PRKN: variants seen among roughly 807,000 people sequenced by gnomAD.
PRKN encodes parkin RBR E3 ubiquitin protein ligase.
In PRKN, 56 loss-of-function variants were observed where a neutral mutation model predicts 59.5. That is an observed-to-expected ratio of 0.94 (90% CI 0.76 to 1.18). PRKN has a LOEUF of 1.18. PRKN is among the 50% of genes most tolerant of loss of function. The probability of loss-of-function intolerance (pLI) is 0.00; values close to 1 mark genes in which losing one functional copy is unlikely to be tolerated. For missense variants in PRKN, 657 were observed against 596.4 expected (o/e 1.10, Z -1.06); for synonymous variants, 250 against 222.1 (o/e 1.13, Z -1.12).
intron 6 of PRKN, among the ~76,000 whole-genome samples, chr6:161,960,472 TAAG>T (rs1460875440): frequency 2.6e-5 from 4 of 152,200 alleles, no homozygotes; most frequent in African/African-American, 9.7e-5. Flanking sequence ...GATAAGAATT[TAAG>T]AATTCAGGGG....
In PRKN at chr6:162,443,371, G is replaced by T. The variant is rs148990138; in HGVS notation, c.110C>A (p.Pro37Gln). The T allele has an allele frequency of 1.2e-6, 2 of 1,613,636 alleles. No homozygotes were observed. The highest frequency in any genetic ancestry group is 2.2e-5 in the East Asian group (1 of 44,854). ...GAAAATCACACGCAACTGGTCAGCC[G>T]GAACCCCCTGTCGCTTAGCAACCAC... Reference protein sequence around the residue: ...KEVVAKRQGVPADQLRVIFAG... With the variant: ...KEVVAKRQGVQADQLRVIFAG... Residue 37 changes from proline (P) to glutamine (Q), a missense_variant, in exon 2 of 12, where the codon CCG becomes CAG. By Grantham distance (76) the Pro-to-Gln change is moderately conservative (BLOSUM62 -1). Coordinates refer to ENST00000366898, the MANE Select transcript of PRKN (RefSeq NM_004562.3).
Position 161,973,419 on chromosome 6 carries a change from TGAAA to T in PRKN, c.619-6_619-3del. On this transcript the variant is annotated splice_region_variant and splice_polypyrimidine_tract_variant and intron_variant, in intron 5 of 11. Transcript: ENST00000366898. Reference sequence around the variant, plus strand: ...TGCTCCACATTTAAAGAAAAATTCCTGAAAGAAAGATAAATATGATCACACACAT... The same window carrying T: ...TGCTCCACATTTAAAGAAAAATTCCTGAAAGATAAATATGATCACACACAT... 6.4e-7 allele frequency: 1 copy of T among 1,564,046 alleles called. No individual in the cohort carries two copies. The highest frequency in any genetic ancestry group is 8.8e-7 in the Non-Finnish European group (1 of 1,134,498).
At chr6:161,472,665 A>G (rs1437344612) in intron 9 of PRKN, among the ~76,000 whole-genome samples, 2 of 152,220 alleles carry the variant, frequency 1.3e-5, no homozygotes, top group African/African-American at 4.8e-5. Context: ...ACACCAAACT[A>G]AAAAGCTTCT....
rs916017889 is a variant in PRKN at position 161,458,001 on chromosome 6, C to T, written c.1084-71124G>A. Among the ~76,000 whole-genome samples, 4 of 152,122 alleles carry T rather than the reference C, an allele frequency of 2.6e-5. No homozygotes were observed. Among genetic ancestry groups the T allele is most frequent in the Admixed American group, 2.6e-4 (4 of 15,272 alleles). ...GAACTGTCATGCAGACAATGACCGCCTTCTGATTTACTTGGGCTGCTCAAA... is the reference window on the plus strand; with the variant it reads ...GAACTGTCATGCAGACAATGACCGCTTTCTGATTTACTTGGGCTGCTCAAA... On this transcript the variant is annotated intron_variant, in intron 9 of 11. Transcript: ENST00000366898. This position sits in a 1 kb window ranked among gnomAD's most constrained non-coding sequence, Gnocchi z 6.1.
intron 4 of PRKN, among the ~76,000 whole-genome samples, chr6:162,122,522 C>G (rs1458424181): frequency 1.3e-5 from 2 of 152,160 alleles, no homozygotes; most frequent in Admixed American, 1.3e-4. Flanking sequence ...ATATGGCACT[C>G]ACACACATGC....
chr6:162,150,583 G>T (rs944497912), intron 4 of PRKN, among the ~76,000 whole-genome samples: 1 of 152,114 alleles, frequency 6.6e-6, no homozygotes, highest in South Asian at 2.1e-4. Flanking sequence ...ATCTCACACC[G>T]GGGAAAAATA....
intron 6 of PRKN, among the ~76,000 whole-genome samples, chr6:161,831,552 C>T (rs1330921153): frequency 6.6e-6 from 1 of 152,200 alleles, no homozygotes; most frequent in Non-Finnish European, 1.5e-5. Flanking sequence ...CAAGGAAATG[C>T]ATTTCAAGAT....
intron 5 of PRKN, among the ~76,000 whole-genome samples, chr6:162,004,561 T>C (rs191179766): frequency 4.1e-4 from 62 of 152,310 alleles, no homozygotes; most frequent in African/African-American, 1.5e-3. Context: ...CATTTATTGT[T>C]GCAGTAGCAA....
At chr6:162,536,942 A>G (rs1778744816) in intron 1 of PRKN, among the ~76,000 whole-genome samples, 2 of 152,204 alleles carry the variant, frequency 1.3e-5, no homozygotes, top group Non-Finnish European at 2.9e-5. Flanking sequence ...TATGTACACC[A>G]AAGTTTAAGA....
At chr6:162,063,539 T>G (rs1034594221) in intron 4 of PRKN, among the ~76,000 whole-genome samples, 1 of 152,146 alleles carries the variant, frequency 6.6e-6, no homozygotes, top group Non-Finnish European at 1.5e-5. Context: ...AAAACGGTTT[T>G]GGAATTTCTT....
intron 7 of PRKN, among the ~76,000 whole-genome samples, chr6:161,619,018 G>T (rs1782793996): frequency 6.6e-6 from 1 of 152,120 alleles, no homozygotes; most frequent in South Asian, 2.1e-4. Flanking sequence ...TTTCGGCAGA[G>T]GGCAGCAGAT....
intron 7 of PRKN, among the ~76,000 whole-genome samples, chr6:161,754,559 A>C (rs550540279): frequency 1.3e-5 from 2 of 152,076 alleles, no homozygotes; most frequent in South Asian, 4.1e-4. Context: ...GACAACTGGG[A>C]GCTAAGACTG....
At chr6:162,541,396 A>G (rs1778921467) in intron 1 of PRKN, among the ~76,000 whole-genome samples, 1 of 152,214 alleles carries the variant, frequency 6.6e-6, no homozygotes. Flanking sequence ...GCAGGGGCAC[A>G]GGGCCAGGGG....
chr6:162,212,843 T>G (rs1777445995), intron 3 of PRKN, among the ~76,000 whole-genome samples: 2 of 152,312 alleles, frequency 1.3e-5, no homozygotes, highest in East Asian at 3.9e-4. Context: ...GCAGTAACTG[T>G]AACAGTAACT....
rs1784971491 is a variant in PRKN, at chr6:161,361,447, T to C, written c.1168-1242A>G. Among the ~76,000 whole-genome samples, 1 of 152,212 alleles carries C rather than the reference T, an allele frequency of 6.6e-6. No individual in the cohort carries two copies. Among genetic ancestry groups the C allele is most frequent in the Non-Finnish European group, 1.5e-5 (1 of 68,042 alleles). On this transcript the variant is annotated intron_variant, in intron 10 of 11. Transcript: ENST00000366898. The surrounding 1 kb of genome is among the most constrained non-coding windows in gnomAD (Gnocchi z 5.2). Reference sequence around the variant, plus strand: ...GATCAGTACATTTCAGGCAAGTGAATGAATGAATGACGCAGCCCAGGAAGG... The same window carrying C: ...GATCAGTACATTTCAGGCAAGTGAACGAATGAATGACGCAGCCCAGGAAGG...
At chr6:162,486,062 GCT>G (rs2128183568) in intron 1 of PRKN, among the ~76,000 whole-genome samples, 1 of 152,122 alleles carries the variant, frequency 6.6e-6, no homozygotes, top group African/African-American at 2.4e-5. Flanking sequence ...AAAATGAATT[GCT>G]CTTTTATTTT....
At chr6:162,358,311 T>G (rs1353956410) in intron 2 of PRKN, among the ~76,000 whole-genome samples, 2 of 152,220 alleles carry the variant, frequency 1.3e-5, no homozygotes, top group Non-Finnish European at 2.9e-5. Context: ...CTTGCCATAC[T>G]GAAAGTTACC....
At chr6:162,231,044 TTA>T (rs1264830646) in intron 3 of PRKN, among the ~76,000 whole-genome samples, 8 of 152,210 alleles carry the variant, frequency 5.3e-5, no homozygotes, top group African/African-American at 1.9e-4. Flanking sequence ...CATAGATAGC[TTA>T]TCAGCTTTCT....
At position 161,499,648 on chromosome 6, in the gene PRKN, A is replaced by G. The variant is rs1434971856; in HGVS notation, c.1083+49206T>C. ...AGATTGCAGGTTTCATTTCAGACCT[A>G]CTGGATTCGAGGTGGTGGTGGTTTC... is the stretch of plus-strand genomic sequence containing the variant. On this transcript the variant is annotated intron_variant, in intron 9 of 11. Transcript: ENST00000366898. The surrounding 1 kb of genome is among the most constrained non-coding windows in gnomAD (Gnocchi z 4.2). 6.6e-6 allele frequency among the ~76,000 whole-genome samples: 1 copy of G among 152,190 alleles called. No homozygotes were observed. Among genetic ancestry groups the G allele is most frequent in the African/African-American group, 2.4e-5 (1 of 41,446 alleles).
Sources: allele counts gnomAD v4.1 joint callset (sites outside exome capture counted in the v4.1 genomes callset), GRCh38; gene constraint gnomAD v4.1.1; non-coding constraint Gnocchi (gnomAD v3.1); transcripts MANE v1.5; gene names NCBI Gene and HGNC (gene_info 2026-07-23, HGNC 2026-07-21).